CDH23: variants seen among roughly 807,000 people sequenced by gnomAD.
The protein encoded by CDH23 is cadherin-23.
A neutral mutation model predicts 317.1 loss-of-function variants in CDH23; 189 were observed. The ratio of observed to expected loss-of-function variants is 0.60; its 90% CI spans 0.53 to 0.67. CDH23 has a LOEUF of 0.67. CDH23 is among the 30% of genes least tolerant of loss of function. The pLI is 0.00. For missense variants in CDH23, 4,401 were observed against 4,592.4 expected, an observed-to-expected ratio of 0.96 and a Z score of 1.20; for synonymous variants, 1,839 against 1,876.8, an observed-to-expected ratio of 0.98 and a Z score of 0.52.
chr10:71,771,551 A>C (rs1840685638), intron 38 of CDH23, among the ~76,000 whole-genome samples: 1 of 152,104 alleles, frequency 6.6e-6, no homozygotes, highest in Non-Finnish European at 1.5e-5. Context: ...TGTCCTAGGG[A>C]GTTGGGTGAA....
At chr10:71,478,566 C>A (rs1310446652) in intron 3 of CDH23, among the ~76,000 whole-genome samples, 1 of 152,250 alleles carries the variant, frequency 6.6e-6, no homozygotes, top group African/African-American at 2.4e-5. Context: ...GCAATTTCTG[C>A]TGCATCTGGT....
chr10:71,580,908 T>A (rs182694909), intron 9 of CDH23, among the ~76,000 whole-genome samples: 2 of 151,910 alleles, frequency 1.3e-5, no homozygotes, highest in East Asian at 3.9e-4. Flanking sequence ...CTGAGAGCCA[T>A]CCTCAGCATG....
chr10:71,788,346 A>C (rs1292710552), intron 44 of CDH23, among the ~76,000 whole-genome samples: 1 of 151,710 alleles, frequency 6.6e-6, no homozygotes, highest in Non-Finnish European at 1.5e-5. Flanking sequence ...CACCATGCCC[A>C]GCATGTTGTT....
chr10:71,472,336 G>T (rs1044516671), intron 3 of CDH23, among the ~76,000 whole-genome samples: 47 of 152,292 alleles, frequency 3.1e-4, no homozygotes, highest in African/African-American at 1.1e-3. Context: ...TGTCCCTCCC[G>T]CAAAGGGCTG....
chr10:71,438,112 G>A (rs531438056), intron 1 of CDH23, among the ~76,000 whole-genome samples: 10 of 152,172 alleles, frequency 6.6e-5, no homozygotes, highest in Middle Eastern at 3.4e-3. Context: ...AGGCTGAGCC[G>A]GGTGGATCAC....
In CDH23 at chr10:71,807,848, G is replaced by A. The variant is rs751501169; in HGVS notation, c.8563G>A (p.Val2855Met). The A allele has an allele frequency of 2.5e-6, 4 of 1,600,406 alleles. No individual in the cohort carries two copies. The highest frequency in any genetic ancestry group is 1.7e-5 in the Admixed American group (1 of 57,884). ...RFTKAEYTAGVATDAKVGSEL... is the reference protein window; with the variant it reads ...RFTKAEYTAGMATDAKVGSEL... ...ACACCACCTGCCTCTTCCTGCAGGG[G>A]TGGCCACCGACGCCAAGGTGGGCTC... The change falls in exon 60 of 70, where the codon GTG (valine) becomes ATG (methionine). Residue 2855 changes from valine to methionine, a missense_variant and splice_region_variant. By Grantham distance (21) the Val-to-Met change is conservative. This residue lies in a region of CDH23 where 1,144 missense variants were observed against 1,138.2 expected (regional missense o/e 1.01). Coordinates refer to ENST00000224721, the MANE Select transcript of CDH23 (RefSeq NM_022124.6).
intron 38 of CDH23, chr10:71,755,598 C>G: frequency 1.3e-6 from 1 of 795,760 alleles, no homozygotes; most frequent in Non-Finnish European, 2.0e-6. Flanking sequence ...AGCTAGACCC[C>G]CAGCAACCTA....
intron 3 of CDH23, among the ~76,000 whole-genome samples, chr10:71,461,828 A>G (rs1195565431): frequency 1.3e-5 from 2 of 152,088 alleles, no homozygotes; most frequent in African/African-American, 4.8e-5. Flanking sequence ...TTATAGTCCA[A>G]CCCCTGGGGT....
At position 71,671,754 on chromosome 10, in the gene CDH23, C is replaced by T. The variant is rs886290182; in HGVS notation, c.1450-3358C>T. On this transcript the variant is annotated intron_variant, in intron 14 of 69. Transcript: ENST00000224721. The stretch of plus-strand genomic sequence containing the variant: ...GGGGGCTGCTCTGGGAATACGAAGA[C>T]CAGCTCCACTCACCAGCTGTGAGAT... 2.0e-5 allele frequency among the ~76,000 whole-genome samples: 3 copies of T among 152,168 alleles called. No homozygotes were observed. The East Asian group carries it at 5.8e-4, about 29-fold the overall frequency.
intron 11 of CDH23, among the ~76,000 whole-genome samples, chr10:71,620,738 G>A (rs1207631241): frequency 6.6e-6 from 1 of 152,212 alleles, no homozygotes; most frequent in Non-Finnish European, 1.5e-5. Context: ...CAGAGACAGA[G>A]CCAATGAGGA....
At chr10:71,789,292 C>T (rs2132946112) in intron 45 of CDH23, among the ~76,000 whole-genome samples, 1 of 152,298 alleles carries the variant, frequency 6.6e-6, no homozygotes, top group East Asian at 1.9e-4. Context: ...GGTCTGAGAG[C>T]TGCCCCACCA....
chr10:71,815,012 C>T lies in CDH23; in HGVS notation c.9799C>T (p.Arg3267Cys), dbSNP rs201727938. Residue 3267 changes from arginine to cysteine, a missense_variant, in exon 70 of 70, where the codon CGC (arginine) becomes TGC (cysteine). Arg to Cys is a radical substitution (Grantham distance 180, BLOSUM62 -3). This residue lies in a region of CDH23 where 1,144 missense variants were observed against 1,138.2 expected (regional missense o/e 1.01). Transcript: ENST00000224721. ...CCACAGCCCAGGGCAGGGTAGCCTG[C>T]GCTTCCGCCACAAGCCACCAGTGGA... The part of the protein sequence containing the change: ...GDHSPGQGSL[R>C]FRHKPPVELK... The T allele has an allele frequency of 6.0e-5, 97 of 1,612,208 alleles. No homozygotes were observed. The highest frequency in any genetic ancestry group is 5.0e-4 in the Middle Eastern group (3 of 6,054).
At chr10:71,538,732 A>G (rs944166232) in intron 6 of CDH23, among the ~76,000 whole-genome samples, 8 of 152,064 alleles carry the variant, frequency 5.3e-5, no homozygotes, top group African/African-American at 1.9e-4. Flanking sequence ...TCATAACTGT[A>G]TTTTCTTTTC....
At chr10:71,715,669 G>A in intron 28 of CDH23, 1 of 331,348 alleles carries the variant, frequency 3.0e-6, no homozygotes, top group Non-Finnish European at 5.5e-6. Flanking sequence ...TCAGGCCAAA[G>A]GCCCAGATGA....
At chr10:71,716,419 A>G (rs1866242360) in intron 28 of CDH23, 1 of 1,227,168 alleles carries the variant, frequency 8.1e-7, no homozygotes, top group East Asian at 2.6e-5. Flanking sequence ...AGACTTACCT[A>G]GGGAATGTGG....
chr10:71,581,436 C>G (rs1858624265), intron 9 of CDH23, among the ~76,000 whole-genome samples: 1 of 152,186 alleles, frequency 6.6e-6, no homozygotes, highest in African/African-American at 2.4e-5. Flanking sequence ...GGCCTGAGCC[C>G]ACAATGGATC....
At chr10:71,619,281 G>A (rs572452713) in intron 11 of CDH23, among the ~76,000 whole-genome samples, 4 of 151,426 alleles carry the variant, frequency 2.6e-5, no homozygotes, top group South Asian at 4.2e-4. Context: ...GGTGCAGTGA[G>A]CAGAGATTGC....
intron 24 of CDH23, 40 bp from the exon 25 acceptor site, chr10:71,704,871 G>C (rs1865718548): frequency 6.7e-7 from 1 of 1,487,734 alleles, no homozygotes; most frequent in African/African-American, 1.4e-5. Flanking sequence ...CCATCCCAGT[G>C]TCCCCTCCCC....
intron 1 of CDH23, among the ~76,000 whole-genome samples, chr10:71,420,716 T>C (rs1848772905): frequency 6.6e-6 from 1 of 151,990 alleles, no homozygotes; most frequent in African/African-American, 2.4e-5. Flanking sequence ...ATGAAGTAGG[T>C]ATGACTATTA....
Sources: allele counts gnomAD v4.1 joint callset (sites outside exome capture counted in the v4.1 genomes callset), GRCh38; gene constraint gnomAD v4.1.1; regional missense constraint gnomAD v4.1.1; transcripts MANE v1.5; gene names NCBI Gene and HGNC (gene_info 2026-07-23, HGNC 2026-07-21).